Variants in SDCCAG8 observed in about 807,000 individuals in gnomAD.
SDCCAG8 encodes the protein serologically defined colon cancer antigen 8.
Under a neutral mutation model 101.8 loss-of-function variants are expected in SDCCAG8, and 74 were observed. The observed-to-expected ratio is 0.73, with a 90% confidence interval of 0.60 to 0.88. The LOEUF (loss-of-function observed/expected upper bound fraction) is 0.88. Ranked by LOEUF, SDCCAG8 falls within the 40% of genes least tolerant of loss-of-function variation. SDCCAG8 has a pLI of 0.00. For missense variants in SDCCAG8, 787 were observed against 822.6 expected (o/e 0.96, Z 0.53); for synonymous variants, 281 against 292.9 (o/e 0.96, Z 0.41).
intron 10 of SDCCAG8, among the ~76,000 whole-genome samples, chr1:243,333,883 G>T (rs1240409051): frequency 6.6e-6 from 1 of 152,086 alleles, no homozygotes; most frequent in Non-Finnish European, 1.5e-5. Flanking sequence ...TAAAGATTTA[G>T]GTGTCTTTAG....
At chr1:243,336,763 G>A (rs2075042344) in intron 10 of SDCCAG8, among the ~76,000 whole-genome samples, 1 of 152,108 alleles carries the variant, frequency 6.6e-6, no homozygotes, top group African/African-American at 2.4e-5. Flanking sequence ...GTGATCTTGA[G>A]CACTTTTTCA....
At chr1:243,287,416 T>C (rs1447490986) in intron 5 of SDCCAG8, among the ~76,000 whole-genome samples, 3 of 148,660 alleles carry the variant, frequency 2.0e-5, no homozygotes, top group African/African-American at 7.4e-5. Context: ...TTTTTGAAGT[T>C]TTTTTTTTTT....
intron 16 of SDCCAG8, among the ~76,000 whole-genome samples, chr1:243,449,238 T>A (rs1038992327): frequency 6.6e-6 from 1 of 152,230 alleles, no homozygotes; most frequent in African/African-American, 2.4e-5. Flanking sequence ...TCATGCTTAA[T>A]GGAGCGACTT....
chr1:243,499,101 G>A (rs888230333), intron 17 of SDCCAG8, among the ~76,000 whole-genome samples: 1 of 152,182 alleles, frequency 6.6e-6, no homozygotes, highest in Non-Finnish European at 1.5e-5. Context: ...GGCAGCAGAG[G>A]CCAGGAACAG....
intron 13 of SDCCAG8, among the ~76,000 whole-genome samples, chr1:243,402,508 A>T (rs1330545263): frequency 6.6e-6 from 1 of 152,026 alleles, no homozygotes; most frequent in Non-Finnish European, 1.5e-5. Context: ...CATGTGATTT[A>T]TATAACACAT....
intron 15 of SDCCAG8, among the ~76,000 whole-genome samples, chr1:243,421,997 A>G (rs2081043882): frequency 6.6e-6 from 1 of 152,126 alleles, no homozygotes; most frequent in Admixed American, 6.5e-5. Flanking sequence ...GGCCTGGGAG[A>G]GCTGGAAGGA....
At chr1:243,340,582 G>A (rs1316526620) in intron 10 of SDCCAG8, among the ~76,000 whole-genome samples, 1 of 152,106 alleles carries the variant, frequency 6.6e-6, no homozygotes, top group Admixed American at 6.6e-5. Context: ...TTGCGGGAAG[G>A]GTAGTGGGAG....
chr1:243,413,231 A>G (rs530718312), intron 13 of SDCCAG8, among the ~76,000 whole-genome samples: 1 of 152,230 alleles, frequency 6.6e-6, no homozygotes, highest in East Asian at 1.9e-4. Flanking sequence ...TTTGAGACAG[A>G]ATCTCACTCT....
At chr1:243,485,987 T>C (rs1457360489) in intron 16 of SDCCAG8, among the ~76,000 whole-genome samples, 21 of 151,280 alleles carry the variant, frequency 1.4e-4, no homozygotes, top group Admixed American at 1.3e-3. Flanking sequence ...TCACTTGAGG[T>C]CAGGAGTTTG....
intron 5 of SDCCAG8, among the ~76,000 whole-genome samples, chr1:243,292,847 G>A (rs757735214): frequency 1.3e-5 from 2 of 152,106 alleles, no homozygotes; most frequent in Non-Finnish European, 2.9e-5. Flanking sequence ...TTTGTTGAAT[G>A]CGCTGAAATC....
chr1:243,330,336 T>C (rs2074496654), intron 9 of SDCCAG8, among the ~76,000 whole-genome samples: 1 of 152,204 alleles, frequency 6.6e-6, no homozygotes, highest in African/African-American at 2.4e-5. Flanking sequence ...GCTTTAATCA[T>C]GAAAATTGAA....
intron 16 of SDCCAG8, among the ~76,000 whole-genome samples, chr1:243,445,356 C>T (rs888343508): frequency 1.2e-4 from 18 of 152,288 alleles, no homozygotes; most frequent in Admixed American, 3.3e-4. Context: ...GACTCGAATC[C>T]GTTTTCTGAC....
At chr1:243,267,603 A>G (rs902831512) in intron 1 of SDCCAG8, 1 of 576,140 alleles carries the variant, frequency 1.7e-6, no homozygotes, top group Non-Finnish European at 3.2e-6. Context: ...ACTCCCTCTC[A>G]AGAAAAAAAA....
At chr1:243,321,555 A>G (rs147231150) in intron 9 of SDCCAG8, among the ~76,000 whole-genome samples, 15 of 152,358 alleles carry the variant, frequency 9.8e-5, no homozygotes, top group African/African-American at 3.4e-4. Context: ...TGCAAAGCAC[A>G]TGATTTCATT....
At chr1:243,333,931 A>C (rs1159387974) in intron 10 of SDCCAG8, among the ~76,000 whole-genome samples, 1 of 152,196 alleles carries the variant, frequency 6.6e-6, no homozygotes, top group Non-Finnish European at 1.5e-5. Context: ...ATATAGCCTT[A>C]GGACCTAAAG....
At chr1:243,345,409 C>T (rs2075644314) in intron 12 of SDCCAG8, among the ~76,000 whole-genome samples, 1 of 152,108 alleles carries the variant, frequency 6.6e-6, no homozygotes, top group African/African-American at 2.4e-5. Context: ...TTTACATTTT[C>T]AGAAGACTTT....
rs1380655783 is a variant in SDCCAG8, at chr1:243,261,339, T to C, written c.67+5099T>C. Among the ~76,000 whole-genome samples, 5 of 135,090 alleles carry C rather than the reference T, an allele frequency of 3.7e-5. No individual in the cohort carries two copies. In the South Asian group the frequency reaches 8.4e-4, roughly 23 times the overall value. The allele number at this position is 135,090 out of a possible 152,430, so 88.6% of individuals were successfully genotyped here. On this transcript the variant is annotated intron_variant, in intron 1 of 17. Coordinates refer to ENST00000366541, the MANE Select transcript of SDCCAG8 (RefSeq NM_006642.5). ...CACTTGTTTGGACCAGATGAATGAT[T>C]AAGGGCTATGTTTTTGTCTTATGGA...
chr1:243,425,823 G>A (rs1274792944), intron 15 of SDCCAG8, among the ~76,000 whole-genome samples: 3 of 152,130 alleles, frequency 2.0e-5, no homozygotes, highest in African/African-American at 7.2e-5. Context: ...AAGACCTTCA[G>A]TGGATTGGAT....
chr1:243,445,246 C>G (rs2082822574), intron 16 of SDCCAG8, among the ~76,000 whole-genome samples: 1 of 152,170 alleles, frequency 6.6e-6, no homozygotes, highest in African/African-American at 2.4e-5. Flanking sequence ...TCTAGTCCAA[C>G]TTCACCTCTT....
Sources: gnomAD v4.1 joint callset for allele counts (sites outside exome capture counted in the v4.1 genomes callset) on GRCh38, gnomAD v4.1.1 for gene constraint, MANE v1.5 for transcripts, NCBI Gene and HGNC (gene_info 2026-07-23, HGNC 2026-07-21) for gene names.